Variants in SCHIP1 observed in about 807,000 individuals in gnomAD.
SCHIP1 encodes the protein schwannomin-interacting protein 1.
In SCHIP1, 8 loss-of-function variants were observed where a neutral mutation model predicts 29.7. The ratio of observed to expected loss-of-function variants is 0.27; its 90% confidence interval spans 0.16 to 0.49. The LOEUF is 0.49. SCHIP1 is among the 20% of genes least tolerant of loss of function. The pLI, the probability that SCHIP1 is intolerant of heterozygous loss-of-function variation, is 0.99. For missense variants in SCHIP1, 193 were observed against 294.6 expected, an observed-to-expected ratio of 0.66 and a Z score of 2.52; for synonymous variants, 76 against 94.9, an observed-to-expected ratio of 0.80 and a Z score of 1.16.
intron 5 of SCHIP1, among the ~76,000 whole-genome samples, chr3:159,889,628 G>A (rs1235633715): frequency 6.6e-6 from 1 of 152,128 alleles, no homozygotes; most frequent in Non-Finnish European, 1.5e-5. Context: ...TAATTATACG[G>A]TATTACAGAT....
chr3:159,553,821 G>C, the SCHIP1 span, among the ~76,000 whole-genome samples: 5 of 151,886 alleles, frequency 3.3e-5, no homozygotes, highest in South Asian at 2.1e-4. Flanking sequence ...TGTTTTTTGA[G>C]ACGGAGTCTC....
chr3:159,467,757 A>G, the SCHIP1 span, among the ~76,000 whole-genome samples: 1 of 152,164 alleles, frequency 6.6e-6, no homozygotes, highest in Non-Finnish European at 1.5e-5. Context: ...ATGTCTAACT[A>G]CACAATTAAA....
chr3:159,355,961 G>A, the SCHIP1 span, among the ~76,000 whole-genome samples: 1 of 149,802 alleles, frequency 6.7e-6, no homozygotes, highest in African/African-American at 2.5e-5. Context: ...ATTCTTTATA[G>A]CAGCATGATT....
At chr3:159,551,389 G>A in the SCHIP1 span, among the ~76,000 whole-genome samples, 3 of 152,230 alleles carry the variant, frequency 2.0e-5, no homozygotes, top group East Asian at 1.9e-4. Flanking sequence ...GCCTAAAATG[G>A]CCTGCTGCGT....
At chr3:159,388,143 AAAG>A in the SCHIP1 span, among the ~76,000 whole-genome samples, 2 of 152,154 alleles carry the variant, frequency 1.3e-5, no homozygotes, top group Non-Finnish European at 2.9e-5. Context: ...TAAATATTGG[AAAG>A]AAGGAGAGCA....
the SCHIP1 span, among the ~76,000 whole-genome samples, chr3:159,585,734 T>G: frequency 6.6e-6 from 1 of 152,304 alleles, no homozygotes; most frequent in Middle Eastern, 3.4e-3. Context: ...GAGATAGAAC[T>G]TGAATTAGCA....
the SCHIP1 span, among the ~76,000 whole-genome samples, chr3:159,588,436 G>GT: frequency 1.3e-5 from 2 of 152,194 alleles, no homozygotes; most frequent in Admixed American, 6.5e-5. Context: ...TCTGATGGTA[G>GT]TTTCTTTTGC....
At chr3:159,578,268 C>G in the SCHIP1 span, among the ~76,000 whole-genome samples, 7 of 152,250 alleles carry the variant, frequency 4.6e-5, no homozygotes, top group African/African-American at 1.7e-4. Context: ...GTGGCTAATC[C>G]AGATTGCGAG....
At chr3:159,398,591 T>TG in the SCHIP1 span, among the ~76,000 whole-genome samples, 2 of 152,200 alleles carry the variant, frequency 1.3e-5, no homozygotes, top group African/African-American at 4.8e-5. Context: ...GCTATAATCC[T>TG]GGTGGTTCTT....
At chr3:159,399,223 G>T in the SCHIP1 span, among the ~76,000 whole-genome samples, 1 of 152,082 alleles carries the variant, frequency 6.6e-6, no homozygotes, top group Admixed American at 6.5e-5. Context: ...GCCTTACCAA[G>T]ATCACACTGT....
At chr3:159,496,644 T>C in the SCHIP1 span, among the ~76,000 whole-genome samples, 39,954 of 152,084 alleles carry the variant, frequency 0.26, 5,702 homozygotes, top group East Asian at 0.4. Context: ...GGAACACTTT[T>C]ACACTGTTGG....
At chr3:159,307,269 G>A in the SCHIP1 span, among the ~76,000 whole-genome samples, 3 of 152,172 alleles carry the variant, frequency 2.0e-5, no homozygotes, top group South Asian at 4.1e-4. Context: ...ACCTGGACTC[G>A]ATCCCAGGAT....
At chr3:159,851,366 G>A (rs1405517644) in intron 1 of SCHIP1, among the ~76,000 whole-genome samples, 1 of 152,182 alleles carries the variant, frequency 6.6e-6, no homozygotes, top group East Asian at 1.9e-4. Flanking sequence ...GTGTGGGATG[G>A]TTAGAGTGTG....
chr3:159,337,421 A>G, the SCHIP1 span, among the ~76,000 whole-genome samples: 2 of 152,190 alleles, frequency 1.3e-5, no homozygotes, highest in African/African-American at 2.4e-5. Context: ...TTGTTTGCAG[A>G]TGACATGATT....
chr3:159,332,493 T>G, the SCHIP1 span, among the ~76,000 whole-genome samples: 2 of 152,216 alleles, frequency 1.3e-5, no homozygotes, highest in African/African-American at 2.4e-5. Flanking sequence ...GTTTATGAAA[T>G]TAAATGGCCT....
At chr3:159,625,813 C>T in the SCHIP1 span, among the ~76,000 whole-genome samples, 3 of 152,030 alleles carry the variant, frequency 2.0e-5, no homozygotes, top group Non-Finnish European at 4.4e-5. Flanking sequence ...TCACGGCTTC[C>T]CTCCCTTCTG....
chr3:159,620,993 T>C, the SCHIP1 span, among the ~76,000 whole-genome samples: 1 of 152,182 alleles, frequency 6.6e-6, no homozygotes, highest in Admixed American at 6.5e-5. Context: ...CATCTAAAAA[T>C]ATAACATTTC....
At chr3:159,544,003 T>C in the SCHIP1 span, among the ~76,000 whole-genome samples, 1 of 152,066 alleles carries the variant, frequency 6.6e-6, no homozygotes, top group African/African-American at 2.4e-5. Flanking sequence ...AACCACCAAT[T>C]AGATCTAGAA....
At chr3:159,658,613 A>G in the SCHIP1 span, among the ~76,000 whole-genome samples, 25 of 152,004 alleles carry the variant, frequency 1.6e-4, no homozygotes, top group Admixed American at 1.6e-3. Flanking sequence ...ATCTGTTTAT[A>G]CTCACTCCAT....
Sources: allele counts gnomAD v4.1 joint callset (sites outside exome capture counted in the v4.1 genomes callset), GRCh38; gene constraint gnomAD v4.1.1; transcripts MANE v1.5; gene names NCBI Gene and HGNC (gene_info 2026-07-23, HGNC 2026-07-21).